The following EFCAB7 variants were observed in gnomAD, a reference collection of about 807,000 sequenced individuals.
EFCAB7 encodes EF-hand calcium binding domain 7, also known as EF-hand calcium-binding domain-containing protein 7.
EFCAB7 carries 66 observed loss-of-function variants against 77.1 expected under a neutral mutation model. That is an observed-to-expected ratio of 0.86 (90% confidence interval 0.70 to 1.05). EFCAB7 has a LOEUF of 1.05. Among genes scored for constraint, EFCAB7 ranks in the 50% least tolerant of loss-of-function variants. The pLI, the probability that EFCAB7 is intolerant of heterozygous loss-of-function variation, is 0.00. For missense variants in EFCAB7, 638 were observed against 730.5 expected (o/e 0.87, Z 1.46); for synonymous variants, 225 against 243.3 (o/e 0.92, Z 0.70).
At chr1:63,552,925 A>G (rs1281213522) in intron 8 of EFCAB7, among the ~76,000 whole-genome samples, 10 of 152,204 alleles carry the variant, frequency 6.6e-5, no homozygotes, top group Admixed American at 6.5e-4. Flanking sequence ...AAGATAAAGC[A>G]TTGTCTAAAA....
chr1:63,533,458 G>C lies in EFCAB7; in HGVS notation c.491G>C (p.Cys164Ser). 6.3e-7 allele frequency: 1 copy of C among 1,593,120 alleles called. No homozygotes were observed. The highest frequency in any genetic ancestry group is 8.5e-7 in the Non-Finnish European group (1 of 1,174,034). The change falls in exon 5 of 14, where the codon TGT becomes TCT. Residue 164 changes from cysteine (C) to serine (S), a missense_variant. Cys to Ser is a moderately radical substitution (Grantham distance 112). Coordinates refer to ENST00000371088, the MANE Select transcript of EFCAB7 (RefSeq NM_032437.4). The stretch of plus-strand genomic sequence containing the variant: ...TGGACTTTTTTTTTCCTGTAGTTTT[G>C]TAAATTATATATGACAACCAACGAG... ...ADGKFDYIKF[C>S]KLYMTTNEQC...
In EFCAB7 at chr1:63,533,461, AATTAT is replaced by A. The variant is rs1646725346; in HGVS notation, c.497_501del (p.Leu166TyrfsTer18). The A allele has an allele frequency of 6.3e-7, 1 of 1,598,158 alleles. No individual in the cohort carries two copies. The highest frequency in any genetic ancestry group is 8.5e-7 in the Non-Finnish European group (1 of 1,175,848). The stretch of plus-strand genomic sequence containing the variant: ...ACTTTTTTTTTCCTGTAGTTTTGTA[AATTAT>A]ATATGACAACCAACGAGCAATGTCT... On this transcript the variant is annotated frameshift_variant, in exon 5 of 14. Transcript: ENST00000371088. LOFTEE classifies it high-confidence loss of function.
At chr1:63,563,812 A>G (rs1430509127) in intron 11 of EFCAB7, among the ~76,000 whole-genome samples, 1 of 152,104 alleles carries the variant, frequency 6.6e-6, no homozygotes, top group Non-Finnish European at 1.5e-5. Flanking sequence ...AGAATTACTG[A>G]TTACACATTC....
At chr1:63,532,084 A>G in intron 3 of EFCAB7, 53 bp downstream of exon 3, 1 of 1,383,312 alleles carries the variant, frequency 7.2e-7, no homozygotes, top group South Asian at 1.3e-5. Context: ...AACAGCTTGG[A>G]ATCTAGCTTT....
chr1:63,525,660 A>C lies in EFCAB7; in HGVS notation c.88A>C (p.Thr30Pro). The C allele has an allele frequency of 6.2e-7, 1 of 1,601,350 alleles. No homozygotes were observed. Among genetic ancestry groups the C allele is most frequent in the Non-Finnish European group, 8.5e-7 (1 of 1,177,204 alleles). Residue 30 changes from threonine to proline, a missense_variant, in exon 2 of 14, where the codon ACT (threonine) becomes CCT (proline). Physicochemically the swap from Thr to Pro is conservative, Grantham distance 38. Coordinates refer to ENST00000371088, the MANE Select transcript of EFCAB7 (RefSeq NM_032437.4). Reference sequence around the variant, plus strand: ...TCCTCGAACAAAGAAATTTCCACTAACTGAAGAGGAAATATTTTATATGAA... The same window carrying C: ...TCCTCGAACAAAGAAATTTCCACTACCTGAAGAGGAAATATTTTATATGAA... ...ESPRTKKFPL[T>P]EEEIFYMNCR...
intron 7 of EFCAB7, chr1:63,550,288 T>G (rs1646949617): frequency 6.6e-6 from 1 of 152,186 alleles, no homozygotes; most frequent in African/African-American, 2.4e-5. Context: ...TTATAATCTT[T>G]GGGAGTGCTT....
intron 9 of EFCAB7, among the ~76,000 whole-genome samples, chr1:63,556,742 G>A (rs1570427117): frequency 6.6e-6 from 1 of 152,014 alleles, no homozygotes; most frequent in African/African-American, 2.4e-5. Context: ...CCCTTCTTCA[G>A]CCAGGCGCGG....
chr1:63,562,292 A>C (rs938022355), intron 11 of EFCAB7, among the ~76,000 whole-genome samples: 2 of 151,368 alleles, frequency 1.3e-5, no homozygotes, highest in African/African-American at 4.9e-5. Context: ...ATACTTGTAA[A>C]ACACTTGGAA....
chr1:63,559,301 C>CAAAAAAA (rs71052490), intron 10 of EFCAB7, among the ~76,000 whole-genome samples: 13 of 62,198 alleles, frequency 2.1e-4, no homozygotes, highest in Non-Finnish European at 2.9e-4. Flanking sequence ...GACTCTGTCT[C>CAAAAAAA]AAAAAAAAAA....
In EFCAB7 at chr1:63,568,023, A is replaced by G. The variant is rs534519189; in HGVS notation, c.1498-287A>G. Among the ~76,000 whole-genome samples, 32 of 152,230 alleles carry G rather than the reference A, an allele frequency of 2.1e-4. No homozygotes were observed. In the South Asian group the frequency reaches 6.6e-3, roughly 32 times the overall value. ...ATAACATGGTATTTGTTAGCATTGAACCAAATGAAGAGATGGTATTATGGT... is the reference window on the plus strand; with the variant it reads ...ATAACATGGTATTTGTTAGCATTGAGCCAAATGAAGAGATGGTATTATGGT... On this transcript the variant is annotated intron_variant, in intron 11 of 13. Transcript: ENST00000371088.
At chr1:63,567,505 G>A (rs1275686470) in intron 11 of EFCAB7, among the ~76,000 whole-genome samples, 1 of 152,150 alleles carries the variant, frequency 6.6e-6, no homozygotes, top group Non-Finnish European at 1.5e-5. Flanking sequence ...AAAGGCTGAA[G>A]TAGAGAACAG....
chr1:63,559,629 T>C (rs1265823431), intron 10 of EFCAB7, among the ~76,000 whole-genome samples: 1 of 151,966 alleles, frequency 6.6e-6, no homozygotes, highest in African/African-American at 2.4e-5. Context: ...ACCTGGCTAA[T>C]TTTTGTATTT....
chr1:63,570,882 G>A, intron 12 of EFCAB7, 139 bp from the exon 13 acceptor site: 1 of 463,908 alleles, frequency 2.2e-6, no homozygotes, highest in Admixed American at 4.3e-5. Context: ...TAACAAAGTT[G>A]AAAGAAGTAG....
At chr1:63,532,189 A>G (rs1225655591) in intron 3 of EFCAB7, among the ~76,000 whole-genome samples, 158 bp downstream of exon 3, 1 of 152,078 alleles carries the variant, frequency 6.6e-6, no homozygotes, top group African/African-American at 2.4e-5. Flanking sequence ...ATCCTTCTGG[A>G]TGAAATGTTC....
rs71052490 is a variant in EFCAB7, at chr1:63,559,301, C to CAAAAAAAA, written c.1348+2071_1348+2078dup. On this transcript the variant is annotated intron_variant, in intron 10 of 13. Coordinates refer to ENST00000371088, the MANE Select transcript of EFCAB7 (RefSeq NM_032437.4). ...TGGGTGACAGAGTGAGACTCTGTCT[C>CAAAAAAAA]AAAAAAAAAAAAAAAAAAAAAAAAT... is the stretch of plus-strand genomic sequence containing the variant. 6.0e-4 allele frequency among the ~76,000 whole-genome samples: 37 copies of CAAAAAAAA among 62,174 alleles called. 1 individual carries two copies. Among genetic ancestry groups the CAAAAAAAA allele is most frequent in the East Asian group, 1.5e-3 (3 of 2,058 alleles). 40.8% of individuals were successfully genotyped at this position (62,174 alleles called of 152,430 possible). A position where few individuals can be genotyped will look rare whatever the true frequency, so the allele number is the denominator to read the frequency against.
At chr1:63,523,895 C>T (rs576363351) in intron 1 of EFCAB7, among the ~76,000 whole-genome samples, 196 of 152,122 alleles carry the variant, frequency 1.3e-3, no homozygotes, top group African/African-American at 4.5e-3. Context: ...CCTGTAGAAG[C>T]CTTAGGCGCT....
At chr1:63,553,912 G>A (rs1285434152) in intron 8 of EFCAB7, among the ~76,000 whole-genome samples, 1 of 152,142 alleles carries the variant, frequency 6.6e-6, no homozygotes, top group Non-Finnish European at 1.5e-5. Context: ...GCAATTCCCT[G>A]TAACCTTGAA....
chr1:63,564,405 A>T (rs1169577481), intron 11 of EFCAB7, among the ~76,000 whole-genome samples: 1 of 152,184 alleles, frequency 6.6e-6, no homozygotes, highest in East Asian at 1.9e-4. Flanking sequence ...TAGTATTCCT[A>T]TACACCAACA....
chr1:63,525,469 T>C (rs9436686), intron 1 of EFCAB7, 103 bp from the exon 2 acceptor site: 895,458 of 908,614 alleles, frequency 0.99, 442,330 homozygotes, highest in East Asian at 1. Context: ...TTTTCTTCTA[T>C]GTATAAAATC....
Sources: gnomAD v4.1 joint callset for allele counts (sites outside exome capture counted in the v4.1 genomes callset) on GRCh38, gnomAD v4.1.1 for gene constraint, MANE v1.5 for transcripts, NCBI Gene and HGNC (gene_info 2026-07-23, HGNC 2026-07-21) for gene names.